RNLS: variants seen among roughly 807,000 people sequenced by gnomAD.
RNLS encodes the protein renalase.
RNLS carries 39 observed loss-of-function variants against 39.8 expected under a neutral mutation model. That is an observed-to-expected ratio of 0.98 (90% CI 0.76 to 1.28). The LOEUF is 1.28. Among genes scored for constraint, RNLS ranks in the 50% most tolerant of loss-of-function variants. The probability of loss-of-function intolerance (pLI) is 0.00; values close to 1 mark genes in which losing one functional copy is unlikely to be tolerated. For missense variants in RNLS, 410 were observed against 413.3 expected (o/e 0.99, Z 0.07); for synonymous variants, 147 against 150.7 (o/e 0.98, Z 0.18).
At chr10:88,305,346 A>T (rs1049344432) in intron 6 of RNLS, among the ~76,000 whole-genome samples, 1 of 152,232 alleles carries the variant, frequency 6.6e-6, no homozygotes, top group African/African-American at 2.4e-5. Context: ...TACACATATC[A>T]GTACAAAACT....
intron 5 of RNLS, among the ~76,000 whole-genome samples, chr10:88,322,687 G>C (rs974310103): frequency 1.3e-5 from 2 of 152,094 alleles, no homozygotes; most frequent in African/African-American, 4.8e-5. Flanking sequence ...TTATAGCAGT[G>C]TAAAAATGGA....
At chr10:88,409,151 C>T (rs975303146) in intron 4 of RNLS, among the ~76,000 whole-genome samples, 1 of 151,990 alleles carries the variant, frequency 6.6e-6, no homozygotes, top group Non-Finnish European at 1.5e-5. Flanking sequence ...TGAATGTGCA[C>T]CAAAGCCACC....
chr10:88,218,408 G>T, the RNLS span, among the ~76,000 whole-genome samples: 1 of 152,252 alleles, frequency 6.6e-6, no homozygotes. Flanking sequence ...TGCCGGGGAT[G>T]TGGGCTGCAG....
chr10:88,194,192 C>T, the RNLS span, among the ~76,000 whole-genome samples: 2 of 152,190 alleles, frequency 1.3e-5, no homozygotes, highest in Admixed American at 1.3e-4. Flanking sequence ...ACACTTTGTG[C>T]TGGAGAAGGC....
chr10:88,536,653 C>G (rs115924031), intron 4 of RNLS, among the ~76,000 whole-genome samples: 1 of 152,138 alleles, frequency 6.6e-6, no homozygotes, highest in Non-Finnish European at 1.5e-5. Context: ...ACACCACACA[C>G]GCTGTTATCT....
At chr10:88,309,727 C>G (rs761828420) in intron 6 of RNLS, among the ~76,000 whole-genome samples, 1 of 151,982 alleles carries the variant, frequency 6.6e-6, no homozygotes. Context: ...AATGACAAGC[C>G]GACATGGCTA....
At chr10:88,550,733 C>G (rs1848568922) in intron 4 of RNLS, among the ~76,000 whole-genome samples, 1 of 152,182 alleles carries the variant, frequency 6.6e-6, no homozygotes, top group South Asian at 2.1e-4. Context: ...CTGATATCTA[C>G]ATCCTATGAA....
chr10:88,262,427 C>A, the RNLS span, among the ~76,000 whole-genome samples: 5 of 152,084 alleles, frequency 3.3e-5, no homozygotes, highest in Admixed American at 2.0e-4. Context: ...CATTCAAGTT[C>A]AAGGAACAGG....
chr10:88,184,966 C>A, the RNLS span, among the ~76,000 whole-genome samples: 1 of 152,126 alleles, frequency 6.6e-6, no homozygotes, highest in African/African-American at 2.4e-5. Flanking sequence ...GCATTGGTCC[C>A]TTGCCTTTGT....
At chr10:88,337,095 T>G (rs1216503789) in intron 5 of RNLS, among the ~76,000 whole-genome samples, 1 of 152,146 alleles carries the variant, frequency 6.6e-6, no homozygotes, top group Non-Finnish European at 1.5e-5. Context: ...CCTCACAAAT[T>G]GATTTTAATC....
chr10:88,392,673 C>T (rs1302157692), intron 4 of RNLS, among the ~76,000 whole-genome samples: 1 of 152,138 alleles, frequency 6.6e-6, no homozygotes, highest in Non-Finnish European at 1.5e-5. Context: ...TTCACAAACC[C>T]TGGGGAGGTA....
At chr10:88,353,508 T>C (rs578024094) in intron 5 of RNLS, among the ~76,000 whole-genome samples, 1 of 152,360 alleles carries the variant, frequency 6.6e-6, no homozygotes, top group South Asian at 2.1e-4. Context: ...AGTTTCCATG[T>C]AGTTGAGCAG....
intron 4 of RNLS, among the ~76,000 whole-genome samples, chr10:88,372,448 G>C (rs935812776): frequency 1.3e-5 from 2 of 152,060 alleles, no homozygotes; most frequent in South Asian, 2.1e-4. Flanking sequence ...AAAATCTTAT[G>C]ACTTTCTCCC....
the RNLS span, among the ~76,000 whole-genome samples, chr10:88,214,624 T>A: frequency 1.3e-5 from 2 of 152,184 alleles, no homozygotes; most frequent in African/African-American, 2.4e-5. Context: ...TTTTGTGGCA[T>A]TGTTTTATTC....
chr10:88,509,363 C>T (rs1428374615), intron 4 of RNLS, among the ~76,000 whole-genome samples: 2 of 151,014 alleles, frequency 1.3e-5, no homozygotes, highest in Admixed American at 6.6e-5. Context: ...ATTCACAATA[C>T]GTAGCATAGT....
At chr10:88,461,712 C>T (rs1425725175) in intron 4 of RNLS, among the ~76,000 whole-genome samples, 2 of 151,922 alleles carry the variant, frequency 1.3e-5, no homozygotes, top group Non-Finnish European at 2.9e-5. Flanking sequence ...AGGAATATAC[C>T]AAGTACACAA....
At chr10:88,511,414 G>C (rs762158580) in intron 4 of RNLS, among the ~76,000 whole-genome samples, 1 of 152,124 alleles carries the variant, frequency 6.6e-6, no homozygotes, top group Non-Finnish European at 1.5e-5. Context: ...GTAAAGGAAA[G>C]AACCAGAAGT....
the RNLS span, among the ~76,000 whole-genome samples, chr10:88,222,173 A>G: frequency 6.6e-6 from 1 of 152,176 alleles, no homozygotes; most frequent in Non-Finnish European, 1.5e-5. Flanking sequence ...TCTGGTGGGT[A>G]GATTCAAGTG....
chr10:88,380,620 G>A lies in RNLS; in HGVS notation c.527-17895C>T, dbSNP rs201015337. Among the ~76,000 whole-genome samples, 50 of 151,664 alleles carry A rather than the reference G, an allele frequency of 3.3e-4. 1 individual carries two copies. In the East Asian group the frequency reaches 9.1e-3, roughly 28 times the overall value. ...AGGATGGTCTCGATCTCCTGACCTCGTGATCCGCCAGCCTCGGCCTCCCGA... is the reference window on the plus strand; with the variant it reads ...AGGATGGTCTCGATCTCCTGACCTCATGATCCGCCAGCCTCGGCCTCCCGA... On this transcript the variant is annotated intron_variant, in intron 4 of 6. Transcript: ENST00000331772.
Sources: gnomAD v4.1 joint callset for allele counts (sites outside exome capture counted in the v4.1 genomes callset) on GRCh38, gnomAD v4.1.1 for gene constraint, MANE v1.5 for transcripts, NCBI Gene and HGNC (gene_info 2026-07-23, HGNC 2026-07-21) for gene names.